Variants in GPRIN3 observed in about 807,000 individuals in gnomAD.
GPRIN3 encodes GPRIN family member 3.
A neutral mutation model predicts 13.7 loss-of-function variants in GPRIN3; 12 were observed. The observed-to-expected ratio is 0.87, with a 90% CI of 0.56 to 1.42. GPRIN3 has a LOEUF of 1.42. GPRIN3 is among the 40% of genes most tolerant of loss of function. The pLI is 0.00. For missense variants in GPRIN3, 1,009 were observed against 958.7 expected (o/e 1.05, Z -0.69); for synonymous variants, 377 against 372.7 (o/e 1.01, Z -0.13).
At chr4:89,259,449 G>A (rs573870879) in intron 1 of GPRIN3, among the ~76,000 whole-genome samples, 32 of 152,270 alleles carry the variant, frequency 2.1e-4, no homozygotes, top group Middle Eastern at 3.4e-3. Context: ...CAGGATCTCA[G>A]GGCTAATCTC....
At position 89,242,048 on chromosome 4, in the gene GPRIN3, ATTCT is replaced by A. The variant is rs954545754; in HGVS notation, c.*5728_*5731del. ...GCTGTTAGCAATTCTCTCCCATTTAATTCTTTCTAACATCATTAAATCACTGGGG... is the reference window on the plus strand; with the variant it reads ...GCTGTTAGCAATTCTCTCCCATTTAATTCTAACATCATTAAATCACTGGGG... On this transcript the variant is annotated 3_prime_UTR_variant, in exon 2 of 2. Coordinates refer to ENST00000609438, the MANE Select transcript of GPRIN3 (RefSeq NM_198281.3). 2.6e-5 allele frequency: 4 copies of A among 152,350 alleles called. No homozygotes were observed. The highest frequency in any genetic ancestry group is 1.9e-4 in the East Asian group (1 of 5,190). The allele number at this position is 152,350 out of a possible 1,614,324, so 9.4% of individuals were successfully genotyped here.
chr4:89,283,955 G>A (rs1463966037), intron 1 of GPRIN3, among the ~76,000 whole-genome samples: 1 of 152,186 alleles, frequency 6.6e-6, no homozygotes, highest in East Asian at 1.9e-4. Flanking sequence ...CAGGAACTGA[G>A]GGAAGGATGG....
chr4:89,282,357 G>A (rs1415615466), intron 1 of GPRIN3, among the ~76,000 whole-genome samples: 1 of 152,162 alleles, frequency 6.6e-6, no homozygotes, highest in Non-Finnish European at 1.5e-5. Context: ...GATACTGGGA[G>A]TCAGGAATGT....
chr4:89,272,327 T>C (rs959901458), intron 1 of GPRIN3, among the ~76,000 whole-genome samples: 8 of 152,124 alleles, frequency 5.3e-5, no homozygotes, highest in Non-Finnish European at 8.8e-5. Context: ...AAAATGGCAA[T>C]TGCTGGTGTT....
Position 89,243,391 on chromosome 4 carries a change from T to C in GPRIN3, c.*4389A>G, listed in dbSNP as rs957788676. 2 of 152,192 alleles carry C rather than the reference T, an allele frequency of 1.3e-5. No homozygotes were observed. Among genetic ancestry groups the C allele is most frequent in the East Asian group, 3.8e-4 (2 of 5,202 alleles). 9.4% of individuals were successfully genotyped at this position (152,192 alleles called of 1,614,324 possible). On this transcript the variant is annotated 3_prime_UTR_variant, in exon 2 of 2. Transcript: ENST00000609438. Reference sequence around the variant, plus strand: ...AAGGATGGACAGGAGATTCAGCATATCCTCTGTTATTTGCCAGGTGGCAGC... The same window carrying C: ...AAGGATGGACAGGAGATTCAGCATACCCTCTGTTATTTGCCAGGTGGCAGC...
chr4:89,295,467 A>G (rs1724706807), intron 1 of GPRIN3, among the ~76,000 whole-genome samples: 1 of 152,174 alleles, frequency 6.6e-6, no homozygotes, highest in African/African-American at 2.4e-5. Context: ...CACATTACCT[A>G]GTCCATAAGC....
In GPRIN3 at chr4:89,247,713, G is replaced by A. The variant is rs969789889; in HGVS notation, c.*67C>T. On this transcript the variant is annotated 3_prime_UTR_variant, in exon 2 of 2. Transcript: ENST00000609438. ...AGTCTTGCAGCAAAAAACTAAGCAAGCTTTGACATAGAGGGACGCATGTGA... is the reference window on the plus strand; with the variant it reads ...AGTCTTGCAGCAAAAAACTAAGCAAACTTTGACATAGAGGGACGCATGTGA... 8.1e-6 allele frequency: 12 copies of A among 1,473,606 alleles called. No individual in the cohort carries two copies. The African/African-American group carries it at 1.6e-4, about 19-fold the overall frequency. The allele number at this position is 1,473,606 out of a possible 1,614,324, so 91.3% of individuals were successfully genotyped here.
chr4:89,257,964 T>C (rs1208090181), intron 1 of GPRIN3, among the ~76,000 whole-genome samples: 1 of 151,990 alleles, frequency 6.6e-6, no homozygotes, highest in East Asian at 2.0e-4. Context: ...TAGAATCACA[T>C]GCATGTACGT....
Position 89,248,801 on chromosome 4 carries a change from T to A in GPRIN3, c.1310A>T (p.Asp437Val), listed in dbSNP as rs1331641630. The change falls in exon 2 of 2, where the codon GAT becomes GTT. Residue 437 changes from aspartate to valine, a missense_variant. Transcript: ENST00000609438. ...SSNAQHTCKE[D>V]GRLAGMTPVR... is the part of the protein sequence containing the mutation. ...TGGAGTCATTCCTGCTAACCTCCCA[T>A]CTTCTTTACACGTATGCTGGGCATT... 6 of 1,614,080 alleles carry A rather than the reference T, an allele frequency of 3.7e-6. 1 individual carries two copies. The highest frequency in any genetic ancestry group is 1.7e-5 in the Admixed American group (1 of 60,012).
chr4:89,273,867 C>T (rs1393138604), intron 1 of GPRIN3, among the ~76,000 whole-genome samples: 1 of 152,220 alleles, frequency 6.6e-6, no homozygotes, highest in Non-Finnish European at 1.5e-5. Context: ...TTCCAAATGG[C>T]AGATCTTCCT....
Position 89,248,321 on chromosome 4 carries a change from C to CT in GPRIN3, c.1789dup (p.Arg597LysfsTer14). Reference sequence around the variant, plus strand: ...CAGGCTGGTGGCTGTCTTGGTCTGTCTGTTTTCTTCTAAGGTGCTCTCCTG... The same window carrying CT: ...CAGGCTGGTGGCTGTCTTGGTCTGTCTTGTTTTCTTCTAAGGTGCTCTCCTG... On this transcript the variant is annotated frameshift_variant, in exon 2 of 2. Coordinates refer to ENST00000609438, the MANE Select transcript of GPRIN3 (RefSeq NM_198281.3). LOFTEE classifies it high-confidence loss of function. 6.2e-7 allele frequency: 1 copy of CT among 1,614,114 alleles called. No individual in the cohort carries two copies. Among genetic ancestry groups the CT allele is most frequent in the Non-Finnish European group, 8.5e-7 (1 of 1,180,018 alleles).
chr4:89,280,925 A>G (rs548803983), intron 1 of GPRIN3, among the ~76,000 whole-genome samples: 1 of 152,276 alleles, frequency 6.6e-6, no homozygotes, highest in African/African-American at 2.4e-5. Context: ...GGAATAGCTG[A>G]GACTGGGTAA....
chr4:89,249,010 G>C lies in GPRIN3; in HGVS notation c.1101C>G (p.Ser367Arg), dbSNP rs754054389. The C allele has an allele frequency of 1.2e-6, 2 of 1,614,144 alleles. No homozygotes were observed. The highest frequency in any genetic ancestry group is 2.2e-5 in the East Asian group (1 of 44,862). ...QLRVICHSSG[S>R]HTLELSDSTL... The stretch of plus-strand genomic sequence containing the variant: ...TGCTGTCAGAGAGCTCCAGTGTGTG[G>C]CTCCCACTGCTGTGGCAAATGACAC... Residue 367 changes from serine (S) to arginine (R), a missense_variant, in exon 2 of 2, where the codon AGC (serine) becomes AGG (arginine). By Grantham distance (110) the Ser-to-Arg change is moderately radical. Transcript: ENST00000609438.
rs772901919 is a variant in GPRIN3, at chr4:89,248,885, T to G, written c.1226A>C (p.Lys409Thr). ...GACCCCACCTGGTAGGCTCGCAAGT[T>G]TATTTTCCCGTTGGAAAGCTGTAGA... is the stretch of plus-strand genomic sequence containing the variant. ...AESTAFQRENKLASLPGGVLK... is the reference protein window; with the variant it reads ...AESTAFQRENTLASLPGGVLK... The change falls in exon 2 of 2, where the codon AAA (lysine) becomes ACA (threonine). Residue 409 changes from lysine to threonine, a missense_variant. Coordinates refer to ENST00000609438, the MANE Select transcript of GPRIN3 (RefSeq NM_198281.3). 1 of 1,614,168 alleles carries G rather than the reference T, an allele frequency of 6.2e-7. No homozygotes were observed. The highest frequency in any genetic ancestry group is 8.5e-7 in the Non-Finnish European group (1 of 1,180,022).
chr4:89,250,174 G>A lies in GPRIN3; in HGVS notation c.-64C>T. The stretch of plus-strand genomic sequence containing the variant: ...TACTGGTCCCACTGGTGGGGGAGGG[G>A]AGCGCAGTCAGAGCTCAGAGTGATG... On this transcript the variant is annotated 5_prime_UTR_variant, in exon 2 of 2. Transcript: ENST00000609438. 1 of 1,540,638 alleles carries A rather than the reference G, an allele frequency of 6.5e-7. No homozygotes were observed. The highest frequency in any genetic ancestry group is 8.7e-7 in the Non-Finnish European group (1 of 1,143,906).
At chr4:89,297,394 GTT>G (rs1173000299) in intron 1 of GPRIN3, among the ~76,000 whole-genome samples, 2 of 150,932 alleles carry the variant, frequency 1.3e-5, no homozygotes, top group African/African-American at 4.9e-5. Flanking sequence ...TTTTTGTTTT[GTT>G]TTGTTTTGTT....
intron 1 of GPRIN3, among the ~76,000 whole-genome samples, chr4:89,280,648 A>G (rs765935973): frequency 4.6e-5 from 7 of 152,186 alleles, no homozygotes; most frequent in Non-Finnish European, 8.8e-5. Context: ...ATTTTATTTG[A>G]AAATAGGTTT....
At chr4:89,250,939 T>C (rs1474466125) in intron 1 of GPRIN3, 2 of 152,098 alleles carry the variant, frequency 1.3e-5, no homozygotes, top group Non-Finnish European at 2.9e-5. Flanking sequence ...TCTGAGATGG[T>C]AGAAACACTG....
chr4:89,280,793 G>A (rs1179128494), intron 1 of GPRIN3, among the ~76,000 whole-genome samples: 1 of 152,178 alleles, frequency 6.6e-6, no homozygotes, highest in Non-Finnish European at 1.5e-5. Context: ...AGAAAGTCCT[G>A]TGGAAACTGA....
Sources: allele counts gnomAD v4.1 joint callset (sites outside exome capture counted in the v4.1 genomes callset), GRCh38; gene constraint gnomAD v4.1.1; transcripts MANE v1.5; gene names NCBI Gene and HGNC (gene_info 2026-07-23, HGNC 2026-07-21).